STK32B: variants seen among roughly 807,000 people sequenced by gnomAD.
The protein encoded by STK32B is serine/threonine-protein kinase 32B.
STK32B carries 43 observed loss-of-function variants against 52.6 expected under a neutral mutation model. The ratio of observed to expected loss-of-function variants is 0.82; its 90% confidence interval spans 0.64 to 1.05. STK32B has a LOEUF of 1.05. Ranked by LOEUF, STK32B falls within the 50% of genes least tolerant of loss-of-function variation. The pLI is 0.00. For synonymous variants in STK32B, 238 were observed against 204.3 expected (o/e 1.17, Z -1.41); for missense variants, 621 against 534.6 (o/e 1.16, Z -1.59).
rs1316653959 is a variant in STK32B, at chr4:5,469,510, G to C, written c.1106+1440G>C. 6.6e-6 allele frequency among the ~76,000 whole-genome samples: 1 copy of C among 152,236 alleles called. No individual in the cohort carries two copies. The highest frequency in any genetic ancestry group is 1.5e-5 in the Non-Finnish European group (1 of 68,044). On this transcript the variant is annotated intron_variant, in intron 11 of 11. Transcript: ENST00000282908. This position sits in a 1 kb window ranked among gnomAD's most constrained non-coding sequence, Gnocchi z 4.7. ...GCATGGCTGCCGCAGGGCCTAGAGA[G>C]TGAGGAGAGGTGAGGGATGGGGCAG... is the stretch of plus-strand genomic sequence containing the variant.
At chr4:5,021,243 A>T in the STK32B span, among the ~76,000 whole-genome samples, 1 of 152,294 alleles carries the variant, frequency 6.6e-6, no homozygotes, top group Non-Finnish European at 1.5e-5. Context: ...TGTTTTATTT[A>T]TCTAGTTTCT....
chr4:5,129,586 T>C (rs1019211388), intron 1 of STK32B, among the ~76,000 whole-genome samples: 1 of 152,208 alleles, frequency 6.6e-6, no homozygotes, highest in African/African-American at 2.4e-5. Flanking sequence ...AAGAATAATT[T>C]TGTCAATTTT....
intron 1 of STK32B, among the ~76,000 whole-genome samples, chr4:5,061,316 A>G (rs1171803690): frequency 1.3e-5 from 2 of 152,138 alleles, no homozygotes; most frequent in African/African-American, 2.4e-5. Context: ...TTTTAGTTCT[A>G]GAATTGTCCG....
chr4:5,263,099 T>C (rs1726832947), intron 3 of STK32B, among the ~76,000 whole-genome samples: 1 of 151,454 alleles, frequency 6.6e-6, no homozygotes, highest in African/African-American at 2.4e-5. Context: ...CACTAGACTA[T>C]GAGCTCCTAA....
rs1362676389 is a variant in STK32B at position 5,378,467 on chromosome 4, T to C, written c.435-19740T>C. Among the ~76,000 whole-genome samples, 1 of 152,264 alleles carries C rather than the reference T, an allele frequency of 6.6e-6. No individual in the cohort carries two copies. Among genetic ancestry groups the C allele is most frequent in the Non-Finnish European group, 1.5e-5 (1 of 68,052 alleles). ...TGAGTTAAATCATTTACAATTATCA[T>C]GATTCCTGATACATTTGAACTTGTT... On this transcript the variant is annotated intron_variant, in intron 4 of 11. Transcript: ENST00000282908. This position sits in a 1 kb window ranked among gnomAD's most constrained non-coding sequence, Gnocchi z 4.4.
intron 3 of STK32B, among the ~76,000 whole-genome samples, chr4:5,226,325 C>G (rs73797135): frequency 6.6e-6 from 1 of 152,170 alleles, no homozygotes; most frequent in Non-Finnish European, 1.5e-5. Context: ...AATCCTTACA[C>G]GTGGACATCC....
chr4:5,391,543 G>T (rs1736598383), intron 4 of STK32B, among the ~76,000 whole-genome samples: 1 of 152,152 alleles, frequency 6.6e-6, no homozygotes. Context: ...TGAAACCTGG[G>T]TCAGAGTTCA....
intron 2 of STK32B, among the ~76,000 whole-genome samples, chr4:5,160,361 A>C (rs899788186): frequency 1.3e-5 from 2 of 152,180 alleles, no homozygotes; most frequent in Non-Finnish European, 2.9e-5. Flanking sequence ...TGTACAGATG[A>C]GGAAGTTGAG....
At chr4:5,462,303 T>A (rs1473853359) in intron 9 of STK32B, among the ~76,000 whole-genome samples, 1 of 151,688 alleles carries the variant, frequency 6.6e-6, no homozygotes, top group African/African-American at 2.4e-5. Context: ...TGTGTGTACC[T>A]GCTTGTGTGT....
At chr4:5,123,953 G>T (rs114138345) in intron 1 of STK32B, among the ~76,000 whole-genome samples, 6 of 152,088 alleles carry the variant, frequency 3.9e-5, no homozygotes, top group African/African-American at 1.2e-4. Context: ...GTGGGGCTCT[G>T]ATCAAAGCCT....
intron 1 of STK32B, among the ~76,000 whole-genome samples, chr4:5,120,326 C>G (rs902648132): frequency 1.6e-4 from 24 of 152,168 alleles, no homozygotes; most frequent in African/African-American, 5.8e-4. Context: ...TTCCCTTCAT[C>G]TCATCACGTA....
In STK32B at chr4:5,453,430, G is replaced by A. The variant is rs1161782685; in HGVS notation, c.667-3377G>A. 1.3e-5 allele frequency among the ~76,000 whole-genome samples: 2 copies of A among 152,122 alleles called. No homozygotes were observed. The highest frequency in any genetic ancestry group is 6.5e-5 in the Admixed American group (1 of 15,274). The stretch of plus-strand genomic sequence containing the variant: ...GCAGAAAGACCAGGGGATGAGAATC[G>A]GGGACATTGGGAAAGTCTCTTTTCA... On this transcript the variant is annotated intron_variant, in intron 7 of 11. Coordinates refer to ENST00000282908, the MANE Select transcript of STK32B (RefSeq NM_018401.3). The surrounding 1 kb of genome is among the most constrained non-coding windows in gnomAD (Gnocchi z 4.0).
chr4:5,424,207 GA>G (rs1297891383), intron 6 of STK32B, among the ~76,000 whole-genome samples: 12 of 152,284 alleles, frequency 7.9e-5, no homozygotes, highest in Admixed American at 2.0e-4. Context: ...GCATGAGAGA[GA>G]GGCTGAAGGG....
chr4:5,175,237 C>T (rs936789080), intron 3 of STK32B, among the ~76,000 whole-genome samples: 8 of 152,000 alleles, frequency 5.3e-5, no homozygotes, highest in South Asian at 2.1e-4. Flanking sequence ...ACTTCTTTGC[C>T]GTTGCTTCAA....
intron 3 of STK32B, among the ~76,000 whole-genome samples, chr4:5,169,856 T>A (rs1253093257): frequency 3.9e-5 from 6 of 152,216 alleles, no homozygotes; most frequent in Non-Finnish European, 8.8e-5. Context: ...AGACTCAGAT[T>A]AAATTTTGGT....
chr4:5,058,502 C>T lies in STK32B; in HGVS notation c.52+6587C>T, dbSNP rs1742091776. 1.3e-5 allele frequency among the ~76,000 whole-genome samples: 2 copies of T among 152,222 alleles called. No homozygotes were observed. Among genetic ancestry groups the T allele is most frequent in the African/African-American group, 4.8e-5 (2 of 41,460 alleles). ...CATGGATCAGAGATCACACTCACTG[C>T]TAGCCAGCCTGCACTGAGACATGGC... On this transcript the variant is annotated intron_variant, in intron 1 of 11. Transcript: ENST00000282908. The surrounding 1 kb of genome is among the most constrained non-coding windows in gnomAD (Gnocchi z 4.8).
At chr4:5,078,272 A>G (rs973502554) in intron 1 of STK32B, among the ~76,000 whole-genome samples, 5 of 152,178 alleles carry the variant, frequency 3.3e-5, no homozygotes, top group African/African-American at 1.2e-4. Flanking sequence ...GGACTTCCAT[A>G]TATGTCCTAG....
chr4:5,304,061 T>C (rs999962858), intron 3 of STK32B, among the ~76,000 whole-genome samples: 1 of 152,168 alleles, frequency 6.6e-6, no homozygotes, highest in Non-Finnish European at 1.5e-5. Context: ...ACCAGTACCA[T>C]GCTGTTTGGG....
chr4:5,426,715 G>GAAAAAAAAAAAAAAAAT (rs1713141112), intron 6 of STK32B, among the ~76,000 whole-genome samples: 1 of 92,990 alleles, frequency 1.1e-5, no homozygotes, highest in Non-Finnish European at 2.3e-5. Context: ...AAAAAAAAAA[G>GAAAAAAAAAAAAAAAAT]GAAAAGAAAA....
Sources: gnomAD v4.1 joint callset for allele counts (sites outside exome capture counted in the v4.1 genomes callset) on GRCh38, gnomAD v4.1.1 for gene constraint, Gnocchi (gnomAD v3.1) non-coding constraint, MANE v1.5 for transcripts, NCBI Gene and HGNC (gene_info 2026-07-23, HGNC 2026-07-21) for gene names.